Variants in ERBB4 observed in about 807,000 individuals in gnomAD.
ERBB4 encodes receptor tyrosine-protein kinase erbB-4.
A neutral mutation model predicts 158.0 loss-of-function variants in ERBB4; 42 were observed. The observed-to-expected ratio is 0.27, with a 90% CI of 0.21 to 0.34. The LOEUF (loss-of-function observed/expected upper bound fraction) is 0.34, where lower values mean the gene tolerates loss of function less well. Ranked by LOEUF, ERBB4 falls within the 10% of genes least tolerant of loss-of-function variation. The pLI, the probability that ERBB4 is intolerant of heterozygous loss-of-function variation, is 1.00. For synonymous variants in ERBB4, 583 were observed against 558.7 expected, an observed-to-expected ratio of 1.04 and a Z score of -0.61; for missense variants, 1,333 against 1,624.1, an observed-to-expected ratio of 0.82 and a Z score of 3.08.
At chr2:212,318,866 G>C (rs2087423087) in intron 1 of ERBB4, among the ~76,000 whole-genome samples, 1 of 151,602 alleles carries the variant, frequency 6.6e-6, no homozygotes, top group Non-Finnish European at 1.5e-5. Context: ...GACAGAGAAG[G>C]TGAAAGATTT....
intron 1 of ERBB4, among the ~76,000 whole-genome samples, chr2:212,288,044 C>T (rs893251244): frequency 1.3e-5 from 2 of 151,832 alleles, no homozygotes; most frequent in African/African-American, 4.8e-5. Context: ...ACTTGTACCC[C>T]AGAACTTAAA....
At chr2:211,661,964 G>A (rs1227249038) in intron 15 of ERBB4, among the ~76,000 whole-genome samples, 4 of 136,914 alleles carry the variant, frequency 2.9e-5, no homozygotes, top group Admixed American at 7.8e-5. Context: ...GCGTGAACCC[G>A]GGAGGCGGAG....
At chr2:211,865,113 A>G (rs2078172151) in intron 3 of ERBB4, among the ~76,000 whole-genome samples, 1 of 152,070 alleles carries the variant, frequency 6.6e-6, no homozygotes, top group Admixed American at 6.5e-5. Context: ...CCTTGCAGAC[A>G]TCTACTAAAA....
chr2:211,795,180 TA>T (rs2076356766), intron 3 of ERBB4, among the ~76,000 whole-genome samples: 1 of 151,748 alleles, frequency 6.6e-6, no homozygotes, highest in South Asian at 2.1e-4. Context: ...AGACAGGTGG[TA>T]GGGGAGAGAA....
At chr2:212,228,311 C>T (rs1025989128) in intron 1 of ERBB4, among the ~76,000 whole-genome samples, 3 of 152,002 alleles carry the variant, frequency 2.0e-5, no homozygotes, top group African/African-American at 7.2e-5. Flanking sequence ...TTTCAAACCC[C>T]AAACCTGAAC....
chr2:211,745,401 G>C (rs1006656151), intron 5 of ERBB4, among the ~76,000 whole-genome samples: 4 of 152,066 alleles, frequency 2.6e-5, no homozygotes, highest in Admixed American at 2.6e-4. Flanking sequence ...CTTTCAAGTA[G>C]CTCAGACTAA....
chr2:212,106,316 G>T (rs2079224970), intron 2 of ERBB4, among the ~76,000 whole-genome samples: 1 of 152,206 alleles, frequency 6.6e-6, no homozygotes, highest in Admixed American at 6.5e-5. Flanking sequence ...GTTGGGAAGT[G>T]AAGCAAAGGT....
Position 211,387,995 on chromosome 2 carries a change from A to G in ERBB4, c.3136-3T>C, listed in dbSNP as rs1219398134. 11 of 1,592,762 alleles carry G rather than the reference A, an allele frequency of 6.9e-6. No individual in the cohort carries two copies. The African/African-American group carries it at 9.4e-5, about 14-fold the overall frequency. ...GGAGGGCTGTGTCCAATTTCACTCT[A>G]ATAGGAAAGAAAAATGGAATGATGG... On this transcript the variant is annotated splice_region_variant and splice_polypyrimidine_tract_variant and intron_variant, in intron 25 of 27. Transcript: ENST00000342788.
chr2:212,246,592 A>T (rs1328776163), intron 1 of ERBB4, among the ~76,000 whole-genome samples: 1 of 152,226 alleles, frequency 6.6e-6, no homozygotes, highest in Non-Finnish European at 1.5e-5. Flanking sequence ...AAGAGATGTC[A>T]TGAAAGATGT....
intron 20 of ERBB4, among the ~76,000 whole-genome samples, chr2:211,477,194 T>C (rs1015875463): frequency 6.6e-6 from 1 of 152,094 alleles, no homozygotes; most frequent in Non-Finnish European, 1.5e-5. Context: ...AGGCTGCCTG[T>C]GGACTTGAAC....
In ERBB4 at chr2:211,560,788, C is replaced by T. The variant is rs73075186; in HGVS notation, c.2487+1115G>A. Reference sequence around the variant, plus strand: ...CACAGTCCATAAGGAAACTCTACTGCGAGTTATGGTGTATAGAACTAAGCT... The same window carrying T: ...CACAGTCCATAAGGAAACTCTACTGTGAGTTATGGTGTATAGAACTAAGCT... On this transcript the variant is annotated intron_variant, in intron 20 of 27. Coordinates refer to ENST00000342788, the MANE Select transcript of ERBB4 (RefSeq NM_005235.3). Among the ~76,000 whole-genome samples the T allele has an allele frequency of 8.6e-5, 13 of 151,966 alleles. No individual in the cohort carries two copies. The East Asian group carries it at 1.9e-3, about 23-fold the overall frequency.
intron 5 of ERBB4, among the ~76,000 whole-genome samples, chr2:211,733,862 C>T (rs949195213): frequency 6.6e-6 from 1 of 151,062 alleles, no homozygotes; most frequent in African/African-American, 2.5e-5. Flanking sequence ...AGGCGGATCA[C>T]TTGAGGCCAG....
chr2:212,157,679 A>G (rs958253137), intron 1 of ERBB4, among the ~76,000 whole-genome samples: 22 of 152,132 alleles, frequency 1.4e-4, no homozygotes, highest in Admixed American at 2.6e-4. Flanking sequence ...AAGCTTGTTT[A>G]TGAAGTTTAT....
rs145166881 is a variant in ERBB4, at chr2:211,476,682, G to A, written c.2488-45582C>T. Reference sequence around the variant, plus strand: ...CCAAAAAGAGACAAGCAGATATTATGTTGAATAATGGAAGCGATTTGTTAA... The same window carrying A: ...CCAAAAAGAGACAAGCAGATATTATATTGAATAATGGAAGCGATTTGTTAA... On this transcript the variant is annotated intron_variant, in intron 20 of 27. Coordinates refer to ENST00000342788, the MANE Select transcript of ERBB4 (RefSeq NM_005235.3). Among the ~76,000 whole-genome samples the A allele has an allele frequency of 3.0e-3, 461 of 152,118 alleles. 4 individuals are homozygous for A. Among genetic ancestry groups the A allele is most frequent in the African/African-American group, 0.011 (444 of 41,522 alleles).
rs988429327 is a variant in ERBB4, at chr2:211,733,841, G to A, written c.623-8647C>T. ...TCACACCTATACACCTAGCATTTGG[G>A]AGGCAGAGGCAGGCGGATCACTTGA... On this transcript the variant is annotated intron_variant, in intron 5 of 27. Coordinates refer to ENST00000342788, the MANE Select transcript of ERBB4 (RefSeq NM_005235.3). Among the ~76,000 whole-genome samples, 5 of 151,320 alleles carry A rather than the reference G, an allele frequency of 3.3e-5. 1 individual carries two copies. The highest frequency in any genetic ancestry group is 2.0e-4 in the Admixed American group (3 of 15,222).
At chr2:212,285,172 A>T (rs1043732361) in intron 1 of ERBB4, among the ~76,000 whole-genome samples, 2 of 152,154 alleles carry the variant, frequency 1.3e-5, no homozygotes, top group Non-Finnish European at 2.9e-5. Context: ...TCAGTTATAG[A>T]CTTTCGCCAA....
At chr2:212,227,158 T>C (rs990436937) in intron 1 of ERBB4, among the ~76,000 whole-genome samples, 3 of 151,844 alleles carry the variant, frequency 2.0e-5, no homozygotes, top group East Asian at 1.9e-4. Flanking sequence ...GGCAGGAGAA[T>C]TGTTTGAACC....
chr2:211,956,710 C>T lies in ERBB4; in HGVS notation c.235-9094G>A, dbSNP rs1306965890. Among the ~76,000 whole-genome samples the T allele has an allele frequency of 5.9e-5, 9 of 151,990 alleles. No individual in the cohort carries two copies. The South Asian group carries it at 1.0e-3, about 18-fold the overall frequency. On this transcript the variant is annotated intron_variant, in intron 2 of 27. Transcript: ENST00000342788. ...TTAGGAATGGTAAACAATATATAAG[C>T]AAAAACATTTAATATTAAAATTAAT...
intron 4 of ERBB4, among the ~76,000 whole-genome samples, chr2:211,776,315 T>C (rs73069355): frequency 0.14 from 21,810 of 152,216 alleles, 1,771 homozygotes; most frequent in South Asian, 0.33. Context: ...GTGGCTGGCA[T>C]GAAGTTAACC....
Sources: gnomAD v4.1 joint callset for allele counts (sites outside exome capture counted in the v4.1 genomes callset) on GRCh38, gnomAD v4.1.1 for gene constraint, MANE v1.5 for transcripts, NCBI Gene and HGNC (gene_info 2026-07-23, HGNC 2026-07-21) for gene names.